VPS53: variants seen among roughly 807,000 people sequenced by gnomAD.
VPS53 encodes vacuolar protein sorting-associated protein 53 homolog.
In VPS53, 70 loss-of-function variants were observed where a neutral mutation model predicts 107.0. The observed-to-expected ratio is 0.65, with a 90% CI of 0.54 to 0.80. VPS53 has a LOEUF of 0.80. Among genes scored for constraint, VPS53 ranks in the 30% least tolerant of loss-of-function variants. The pLI is 0.00. For synonymous variants in VPS53, 409 were observed against 393.3 expected, an observed-to-expected ratio of 1.04 and a Z score of -0.47; for missense variants, 917 against 1,049.4, an observed-to-expected ratio of 0.87 and a Z score of 1.74.
intron 2 of VPS53, among the ~76,000 whole-genome samples, chr17:703,319 T>G (rs1185605306): frequency 1.3e-5 from 2 of 152,248 alleles, no homozygotes; most frequent in Non-Finnish European, 2.9e-5. Context: ...GCAGGACAGG[T>G]GCTTTGCCTG....
chr17:679,303 C>A (rs987474343), intron 4 of VPS53, among the ~76,000 whole-genome samples: 1 of 151,818 alleles, frequency 6.6e-6, no homozygotes, highest in Admixed American at 6.6e-5. Flanking sequence ...ATCACGAGGT[C>A]AGGAGATTGA....
rs1908602543 is a variant in VPS53 at position 520,006 on chromosome 17, G to C, written c.2224-76C>G. On this transcript the variant is annotated intron_variant, in intron 20 of 21. Coordinates refer to ENST00000437048, the MANE Select transcript of VPS53 (RefSeq NM_001128159.3). This position sits in a 1 kb window ranked among gnomAD's most constrained non-coding sequence, Gnocchi z 4.4. ...GGAGGAGACAGGAGCGGGCCCTCAA[G>C]AAAACTCACTACCCACCGCAGGAGG... 3.9e-6 allele frequency: 4 copies of C among 1,027,426 alleles called. No homozygotes were observed. The Admixed American group carries it at 6.2e-5, about 16-fold the overall frequency. The allele number at this position is 1,027,426 out of a possible 1,614,324, so 63.6% of individuals were successfully genotyped here. A position where few individuals can be genotyped will look rare whatever the true frequency, so the allele number is the denominator to read the frequency against.
intron 19 of VPS53, among the ~76,000 whole-genome samples, chr17:530,200 G>A (rs903433975): frequency 2.0e-4 from 29 of 148,058 alleles, no homozygotes; most frequent in Non-Finnish European, 3.1e-4. Flanking sequence ...GAGTGCAGTG[G>A]CGCAATCTCA....
intron 13 of VPS53, among the ~76,000 whole-genome samples, chr17:584,919 G>A (rs1056169066): frequency 1.3e-5 from 2 of 152,096 alleles, no homozygotes; most frequent in South Asian, 2.1e-4. Flanking sequence ...TAGGGGAGAG[G>A]GAAAATTCTT....
At chr17:626,201 C>G (rs988903822) in intron 10 of VPS53, among the ~76,000 whole-genome samples, 1 of 150,268 alleles carries the variant, frequency 6.7e-6, no homozygotes, top group African/African-American at 2.4e-5. Flanking sequence ...AAAGTGAGAC[C>G]CCGTCTCAAA....
intron 4 of VPS53, among the ~76,000 whole-genome samples, chr17:688,782 T>C (rs1972679874): frequency 6.6e-6 from 1 of 152,140 alleles, no homozygotes. Context: ...TGAGCCCGAA[T>C]CAAAACTCTG....
At chr17:537,733 T>C (rs1910208439) in intron 17 of VPS53, 1 of 152,668 alleles carries the variant, frequency 6.6e-6, no homozygotes, top group African/African-American at 2.4e-5. Flanking sequence ...CGGGAAGAGG[T>C]GCAGATGAAA....
At chr17:528,798 C>T (rs940474048) in intron 19 of VPS53, among the ~76,000 whole-genome samples, 1 of 151,978 alleles carries the variant, frequency 6.6e-6, no homozygotes, top group Non-Finnish European at 1.5e-5. Context: ...GGGTTTTCAC[C>T]ATGTTGGCCA....
At chr17:681,564 T>C (rs2143791763) in intron 4 of VPS53, among the ~76,000 whole-genome samples, 1 of 152,342 alleles carries the variant, frequency 6.6e-6, no homozygotes, top group Admixed American at 6.5e-5. Context: ...TGATCTGTTG[T>C]TCTGGTTGAA....
rs1010714007 is a variant in VPS53 at position 521,874 on chromosome 17, A to T, written c.2086-136T>A. 39 of 1,046,786 alleles carry T rather than the reference A, an allele frequency of 3.7e-5. No homozygotes were observed. The Admixed American group carries it at 6.7e-4, about 18-fold the overall frequency. 64.8% of individuals were successfully genotyped at this position (1,046,786 alleles called of 1,614,324 possible). A position where few individuals can be genotyped will look rare whatever the true frequency, so the allele number is the denominator to read the frequency against. On this transcript the variant is annotated intron_variant, in intron 19 of 21. Transcript: ENST00000437048. ...GCAAAAAATTGGGGAAATAAACAGAAATATAAAAGAAAAAAATTATGTATA... is the reference window on the plus strand; with the variant it reads ...GCAAAAAATTGGGGAAATAAACAGATATATAAAAGAAAAAAATTATGTATA...
chr17:687,080 T>G (rs1236323523), intron 4 of VPS53, among the ~76,000 whole-genome samples: 3 of 151,648 alleles, frequency 2.0e-5, no homozygotes, highest in Admixed American at 6.6e-5. Flanking sequence ...AGATCAGAAG[T>G]TCAAGACCAG....
chr17:633,464 T>C (rs1212610083), intron 7 of VPS53, among the ~76,000 whole-genome samples: 1 of 152,204 alleles, frequency 6.6e-6, no homozygotes, highest in African/African-American at 2.4e-5. Flanking sequence ...TAGCAACAGC[T>C]CAAAACCACA....
At chr17:681,040 T>C (rs1972372590) in intron 4 of VPS53, among the ~76,000 whole-genome samples, 1 of 152,224 alleles carries the variant, frequency 6.6e-6, no homozygotes, top group East Asian at 1.9e-4. Flanking sequence ...AACATGACAA[T>C]GATAAATATA....
chr17:620,913 A>G (rs1969443857), intron 11 of VPS53, among the ~76,000 whole-genome samples: 1 of 152,036 alleles, frequency 6.6e-6, no homozygotes, highest in Admixed American at 6.6e-5. Flanking sequence ...CGGCCTCTAC[A>G]TTAGATTTTG....
chr17:597,320 G>A lies in VPS53; in HGVS notation c.1218+4475C>T, dbSNP rs1464789296. On this transcript the variant is annotated intron_variant, in intron 12 of 21. Coordinates refer to ENST00000437048, the MANE Select transcript of VPS53 (RefSeq NM_001128159.3). ...CTGATTTCACCACTAACACCTGGTG[G>A]GGTCCCTCCCCCACCCCAAGAGGTC... is the stretch of plus-strand genomic sequence containing the variant. Among the ~76,000 whole-genome samples, 3 of 152,206 alleles carry A rather than the reference G, an allele frequency of 2.0e-5. No individual in the cohort carries two copies. In the East Asian group the frequency reaches 5.8e-4, roughly 29 times the overall value.
Position 601,830 on chromosome 17 carries a change from C to T in VPS53, c.1183G>A (p.Glu395Lys). 1 of 1,602,330 alleles carries T rather than the reference C, an allele frequency of 6.2e-7. No homozygotes were observed. Among genetic ancestry groups the T allele is most frequent in the East Asian group, 2.3e-5 (1 of 43,940 alleles). The change falls in exon 12 of 22, where the codon GAG (glutamate) becomes AAG (lysine). Residue 395 changes from glutamate to lysine, a missense_variant. Coordinates refer to ENST00000437048, the MANE Select transcript of VPS53 (RefSeq NM_001128159.3). ...FLEDEPTPEM[E>K]ELATEKGDLD... ...TCTCCTTTCTCCGTTGCCAGTTCCT[C>T]CATCTCTGGTGTTGGCTCATCTTCC...
chr17:585,749 G>T (rs1490404925), intron 13 of VPS53, among the ~76,000 whole-genome samples: 1 of 152,144 alleles, frequency 6.6e-6, no homozygotes, highest in African/African-American at 2.4e-5. Context: ...TTGGGTCCTG[G>T]ACCAGAAAAA....
chr17:600,360 A>AGGTG (rs1262242052), intron 12 of VPS53, among the ~76,000 whole-genome samples: 2 of 152,230 alleles, frequency 1.3e-5, no homozygotes, highest in African/African-American at 4.8e-5. Context: ...CACAGGGCAG[A>AGGTG]GGTGGCCCTG....
At chr17:667,044 C>T (rs887767209) in intron 4 of VPS53, among the ~76,000 whole-genome samples, 6 of 152,228 alleles carry the variant, frequency 3.9e-5, no homozygotes, top group African/African-American at 1.4e-4. Flanking sequence ...AGGCTGTGAT[C>T]ACAGAGCAGG....
Sources: gnomAD v4.1 joint callset for allele counts (sites outside exome capture counted in the v4.1 genomes callset) on GRCh38, gnomAD v4.1.1 for gene constraint, Gnocchi (gnomAD v3.1) non-coding constraint, MANE v1.5 for transcripts, NCBI Gene and HGNC (gene_info 2026-07-23, HGNC 2026-07-21) for gene names.